Variants in BET1 observed in about 807,000 individuals in gnomAD.
BET1 encodes the protein BET1 homolog.
In BET1, 9 loss-of-function variants were observed where a neutral mutation model predicts 13.9. The observed-to-expected ratio is 0.65, with a 90% confidence interval of 0.39 to 1.13. The LOEUF (loss-of-function observed/expected upper bound fraction) is 1.13. Among genes scored for constraint, BET1 ranks in the 50% most tolerant of loss-of-function variants. The pLI is 0.01. For missense variants in BET1, 127 were observed against 133.6 expected (o/e 0.95, Z 0.24); for synonymous variants, 39 against 47.3 (o/e 0.82, Z 0.72).
chr7:93,995,762 A>G (rs2116121745), intron 3 of BET1, among the ~76,000 whole-genome samples: 1 of 152,296 alleles, frequency 6.6e-6, no homozygotes, highest in Admixed American at 6.5e-5. Flanking sequence ...ACGTTAACAA[A>G]TGGAAGGGGA....
At chr7:93,985,881 A>G (rs1301266289) in intron 4 of BET1, among the ~76,000 whole-genome samples, 1 of 152,204 alleles carries the variant, frequency 6.6e-6, no homozygotes, top group Non-Finnish European at 1.5e-5. Flanking sequence ...TAAGGGATCA[A>G]GGCAGAAACA....
rs1188394745 is a variant in BET1 at position 93,993,471 on chromosome 7, T to C, written c.*759A>G. On this transcript the variant is annotated 3_prime_UTR_variant, in exon 4 of 4. Transcript: ENST00000222547. ...CTATTTCCATTTAAAGTTCAGTAAT[T>C]ACTTAACTTCACATTATTCTGTCAC... 2.0e-6 allele frequency: 2 copies of C among 981,144 alleles called. No individual in the cohort carries two copies. The highest frequency in any genetic ancestry group is 1.7e-5 in the African/African-American group (1 of 57,230). The allele number at this position is 981,144 out of a possible 1,614,324, so 60.8% of individuals were successfully genotyped here.
At chr7:93,964,619 A>T (rs1795144901) in exon 7 of BET1, 2 of 152,058 alleles carry the variant, frequency 1.3e-5, no homozygotes, top group Admixed American at 1.3e-4. Flanking sequence ...ACTTAAATCG[A>T]TACGCAAAAA....
At chr7:93,989,713 T>C (rs921443990), downstream of BET1, among the ~76,000 whole-genome samples, 4 of 152,264 alleles carry the variant, frequency 2.6e-5, no homozygotes, top group Admixed American at 2.0e-4. Context: ...ATAGGGTTTA[T>C]GGCAATTTTG....
chr7:93,980,955 GGAAAGTC>G (rs1168203923), intron 4 of BET1, among the ~76,000 whole-genome samples: 2 of 152,066 alleles, frequency 1.3e-5, no homozygotes, highest in African/African-American at 4.8e-5. Flanking sequence ...AGTGTAATTG[GGAAAGTC>G]GCCATTTACG....
chr7:93,994,146 A>C lies in BET1; in HGVS notation c.*84T>G, dbSNP rs2286845. On this transcript the variant is annotated 3_prime_UTR_variant, in exon 4 of 4. Transcript: ENST00000222547. ...GAAAATGCCACAGTATTTGAACACT[A>C]GGAATGTTTTGATGCTGATTTTTAT... 6.7e-7 allele frequency: 1 copy of C among 1,502,410 alleles called. No individual in the cohort carries two copies. Among genetic ancestry groups the C allele is most frequent in the African/African-American group, 1.4e-5 (1 of 71,628 alleles). The allele number at this position is 1,502,410 out of a possible 1,614,324, so 93.1% of individuals were successfully genotyped here.
intron 3 of BET1, 190 bp downstream of exon 3, chr7:93,996,075 T>C: frequency 1.8e-6 from 1 of 544,166 alleles, no homozygotes; most frequent in Non-Finnish European, 3.2e-6. Context: ...CCCACTTACA[T>C]GCGTAAGACG....
chr7:93,992,138 T>C, downstream of BET1: 1 of 985,164 alleles, frequency 1.0e-6, no homozygotes, highest in Non-Finnish European at 1.2e-6. Context: ...GCAGACACAG[T>C]GATGTGAAGG....
At chr7:93,977,234 G>A (rs1044575545) in intron 4 of BET1, among the ~76,000 whole-genome samples, 3 of 152,080 alleles carry the variant, frequency 2.0e-5, no homozygotes, top group African/African-American at 7.2e-5. Context: ...GTCGAGGCAG[G>A]CAGATTACTT....
chr7:93,988,708 C>T (rs1795572437), downstream of BET1, among the ~76,000 whole-genome samples: 1 of 151,910 alleles, frequency 6.6e-6, no homozygotes, highest in Non-Finnish European at 1.5e-5. Context: ...TTTCATACTG[C>T]CCATCTGCCC....
downstream of BET1, chr7:93,993,070 AC>A (rs1402872907): frequency 2.0e-6 from 2 of 980,686 alleles, no homozygotes; most frequent in African/African-American, 3.5e-5. Context: ...TACATTCATA[AC>A]CCAAAATATA....
exon 7 of BET1, chr7:93,962,839 G>C (rs1170468514): frequency 6.6e-6 from 1 of 151,206 alleles, no homozygotes; most frequent in East Asian, 1.9e-4. Flanking sequence ...AAAATACTGA[G>C]CTAATAGATT....
At chr7:93,995,932 ATTGC>A (rs770110493) in intron 3 of BET1, 69 of 365,274 alleles carry the variant, frequency 1.9e-4, no homozygotes, top group Non-Finnish European at 3.1e-4. Context: ...GTGCCTTTTG[ATTGC>A]TTGGTTAATA....
chr7:93,967,175 A>G (rs562720086), intron 6 of BET1, among the ~76,000 whole-genome samples: 10 of 151,858 alleles, frequency 6.6e-5, no homozygotes, highest in Non-Finnish European at 1.5e-4. Context: ...CTATATTCTC[A>G]AACCGTATGG....
chr7:93,963,317 C>CA (rs1269571585), exon 7 of BET1: 1 of 152,052 alleles, frequency 6.6e-6, no homozygotes, highest in Non-Finnish European at 1.5e-5. Context: ...TACCCAGTCT[C>CA]AGGTATGTCT....
At chr7:93,992,297 T>C, downstream of BET1, 1 of 985,216 alleles carries the variant, frequency 1.0e-6, no homozygotes, top group Non-Finnish European at 1.2e-6. Context: ...GATGATACTG[T>C]CCACATTAAA....
intron 6 of BET1, among the ~76,000 whole-genome samples, chr7:93,971,195 A>G (rs75622907): frequency 0.019 from 2,905 of 151,968 alleles, 41 homozygotes; most frequent in Middle Eastern, 0.041. Context: ...AGAATACAAT[A>G]TATAAATAGG....
At chr7:93,985,229 A>G (rs1398760852) in intron 4 of BET1, among the ~76,000 whole-genome samples, 1 of 152,138 alleles carries the variant, frequency 6.6e-6, no homozygotes, top group Non-Finnish European at 1.5e-5. Flanking sequence ...AAGACTTTCT[A>G]TAAAGTTTCA....
intron 6 of BET1, among the ~76,000 whole-genome samples, chr7:93,966,537 T>TA (rs1301691098): frequency 2.6e-5 from 4 of 151,688 alleles, no homozygotes; most frequent in African/African-American, 9.7e-5. Flanking sequence ...GTTTTAGAAA[T>TA]AAGCACATAA....
Sources: gnomAD v4.1 joint callset for allele counts (sites outside exome capture counted in the v4.1 genomes callset) on GRCh38, gnomAD v4.1.1 for gene constraint, MANE v1.5 for transcripts, NCBI Gene and HGNC (gene_info 2026-07-23, HGNC 2026-07-21) for gene names.